Variants in MATR3 observed in about 807,000 individuals in gnomAD.
MATR3 encodes the protein matrin 3.
MATR3 carries 4 observed loss-of-function variants against 85.5 expected under a neutral mutation model. That is an observed-to-expected ratio of 0.05 (90% CI 0.02 to 0.11). MATR3 has a LOEUF of 0.11. Ranked by LOEUF, MATR3 falls within the 10% of genes least tolerant of loss-of-function variation. The pLI, the probability that MATR3 is intolerant of heterozygous loss-of-function variation, is 1.00. For synonymous variants in MATR3, 336 were observed against 343.1 expected (o/e 0.98, Z 0.23); for missense variants, 685 against 1,016.1 (o/e 0.67, Z 4.43).
intron 1 of MATR3, among the ~76,000 whole-genome samples, chr5:139,295,614 T>C (rs1166224336): frequency 6.6e-6 from 1 of 152,214 alleles, no homozygotes; most frequent in Non-Finnish European, 1.5e-5. Flanking sequence ...ATACTAATTT[T>C]TTTACTAATG....
chr5:139,304,465 A>G (rs969501496), intron 1 of MATR3, among the ~76,000 whole-genome samples: 1 of 151,434 alleles, frequency 6.6e-6, no homozygotes. Flanking sequence ...GTGCCATTGC[A>G]TTCCAGCCTG....
chr5:139,316,292 C>A, intron 5 of MATR3, 104 bp downstream of exon 5: 1 of 854,188 alleles, frequency 1.2e-6, no homozygotes, highest in Non-Finnish European at 1.9e-6. Context: ...ATCGCCCAGG[C>A]TGGAGTGCAA....
intron 2 of MATR3, among the ~76,000 whole-genome samples, chr5:139,309,377 GT>G (rs982009674): frequency 6.6e-6 from 1 of 152,058 alleles, no homozygotes. Context: ...CTGTTACAGG[GT>G]TTTTCTTTAC....
At chr5:139,295,567 C>G (rs972261438) in intron 1 of MATR3, among the ~76,000 whole-genome samples, 1 of 152,088 alleles carries the variant, frequency 6.6e-6, no homozygotes, top group Non-Finnish European at 1.5e-5. Context: ...AAGGATTTAA[C>G]TACCCTTGAT....
intron 2 of MATR3, among the ~76,000 whole-genome samples, chr5:139,277,562 G>A (rs894810081): frequency 2.0e-5 from 3 of 152,036 alleles, no homozygotes; most frequent in Non-Finnish European, 2.9e-5. Context: ...GGGCTTGGGG[G>A]ATGGTTAGCT....
intron 14 of MATR3, among the ~76,000 whole-genome samples, chr5:139,328,979 T>C (rs926233822): frequency 7.2e-5 from 11 of 151,888 alleles, no homozygotes; most frequent in Non-Finnish European, 1.3e-4. Flanking sequence ...CACTCCAGCC[T>C]GGGCAACAGA....
chr5:139,276,732 G>A (rs1019530030), intron 2 of MATR3, among the ~76,000 whole-genome samples: 1 of 152,104 alleles, frequency 6.6e-6, no homozygotes, highest in African/African-American at 2.4e-5. Flanking sequence ...GGGCTCAAAG[G>A]GGGCCAGATA....
upstream of MATR3, chr5:139,293,674 G>A (rs903588705): frequency 5.6e-5 from 16 of 286,396 alleles, no homozygotes; most frequent in Non-Finnish European, 9.1e-5. Flanking sequence ...TCGCGAGAGT[G>A]GGTTTGTTCT....
intron 1 of MATR3, among the ~76,000 whole-genome samples, chr5:139,274,872 C>T (rs1753211166): frequency 6.6e-6 from 1 of 151,040 alleles, no homozygotes; most frequent in Admixed American, 6.6e-5. Context: ...TTGCAGTGAG[C>T]CGAGATAGCA....
At position 139,319,860 on chromosome 5, in the gene MATR3, CTTTTTTTTTTTT is replaced by C. The variant is rs58123057; in HGVS notation, c.1602+376_1602+387del. On this transcript the variant is annotated intron_variant, in intron 9 of 14. Coordinates refer to ENST00000394805, the MANE Select transcript of MATR3 (RefSeq NM_018834.6). The stretch of plus-strand genomic sequence containing the variant: ...CTCCCAACTCAAAAAAAAAAATTTG[CTTTTTTTTTTTT>C]TTTTTTTTTTTTTTTTAAAGTATAT... Among the ~76,000 whole-genome samples the C allele has an allele frequency of 1.1e-4, 5 of 44,158 alleles. No individual in the cohort carries two copies. The Admixed American group carries it at 1.2e-3, about 10-fold the overall frequency. The allele number at this position is 44,158 out of a possible 152,430, so 29.0% of individuals were successfully genotyped here. A position where few individuals can be genotyped will look rare whatever the true frequency, so the allele number is the denominator to read the frequency against.
At chr5:139,319,071 C>G in intron 8 of MATR3, 38 bp downstream of exon 8, 1 of 1,569,152 alleles carries the variant, frequency 6.4e-7, no homozygotes, top group Non-Finnish European at 8.8e-7. Context: ...ATCAGTTTAA[C>G]AAATGATTTT....
chr5:139,314,614 G>A, intron 2 of MATR3, 61 bp from the exon 3 acceptor site: 1 of 1,351,108 alleles, frequency 7.4e-7, no homozygotes, highest in Non-Finnish European at 1.1e-6. Context: ...GAGTTTGAAT[G>A]GTTCAGATGA....
chr5:139,318,548 T>C (rs1490053461), intron 7 of MATR3, among the ~76,000 whole-genome samples: 1 of 152,216 alleles, frequency 6.6e-6, no homozygotes, highest in Non-Finnish European at 1.5e-5. Context: ...CAAGCCATTC[T>C]CCTGCCTCAG....
intron 13 of MATR3, 69 bp downstream of exon 13, chr5:139,325,731 A>G: frequency 1.4e-6 from 2 of 1,385,206 alleles, no homozygotes; most frequent in Non-Finnish European, 1.0e-6. Flanking sequence ...TTTTAAAATA[A>G]GATTTTAAAG....
intron 1 of MATR3, chr5:139,294,707 C>T (rs547504063): frequency 3.3e-5 from 5 of 152,252 alleles, no homozygotes; most frequent in Non-Finnish European, 7.3e-5. Context: ...CAGAGAGGAT[C>T]GTGTGGTGTG....
intron 3 of MATR3, among the ~76,000 whole-genome samples, chr5:139,286,547 G>A (rs1753709262): frequency 2.0e-5 from 3 of 151,336 alleles, no homozygotes; most frequent in South Asian, 4.2e-4. Context: ...ATGTGAAATA[G>A]GAATAATGGT....
intron 3 of MATR3, chr5:139,279,257 CT>C: frequency 2.3e-6 from 1 of 433,018 alleles, no homozygotes; most frequent in Non-Finnish European, 4.6e-6. Flanking sequence ...GGGACGGAGT[CT>C]TGCTCAGTTG....
intron 6 of MATR3, 28 bp downstream of exon 6, chr5:139,317,133 G>C (rs775520986): frequency 6.2e-7 from 1 of 1,608,870 alleles, no homozygotes; most frequent in Admixed American, 1.7e-5. Flanking sequence ...TGGTTTTACT[G>C]TATTTATGAT....
chr5:139,297,946 A>G (rs941214559), intron 1 of MATR3, among the ~76,000 whole-genome samples: 7 of 151,886 alleles, frequency 4.6e-5, no homozygotes, highest in African/African-American at 1.7e-4. Context: ...GCCTGTGGAG[A>G]AGGAGAGAGT....
Sources: allele counts gnomAD v4.1 joint callset (sites outside exome capture counted in the v4.1 genomes callset), GRCh38; gene constraint gnomAD v4.1.1; transcripts MANE v1.5; gene names NCBI Gene and HGNC (gene_info 2026-07-23, HGNC 2026-07-21).